The following FHIT variants were observed in gnomAD, a reference collection of about 807,000 sequenced individuals.
FHIT encodes the protein bis(5'-adenosyl)-triphosphatase.
A neutral mutation model predicts 17.9 loss-of-function variants in FHIT; 19 were observed. The observed-to-expected ratio is 1.06, with a 90% confidence interval of 0.74 to 1.56. FHIT has a LOEUF of 1.56. Ranked by LOEUF, FHIT falls within the 40% of genes most tolerant of loss-of-function variation. The probability of loss-of-function intolerance (pLI) is 0.00; values close to 1 mark genes in which losing one functional copy is unlikely to be tolerated. For missense variants in FHIT, 248 were observed against 189.2 expected, an observed-to-expected ratio of 1.31 and a Z score of -1.82; for synonymous variants, 81 against 69.7, an observed-to-expected ratio of 1.16 and a Z score of -0.81.
chr3:60,468,722 A>G (rs1278354244), intron 5 of FHIT, among the ~76,000 whole-genome samples: 1 of 152,130 alleles, frequency 6.6e-6, no homozygotes, highest in Non-Finnish European at 1.5e-5. Context: ...ACATACTACA[A>G]TAGTGTTATG....
chr3:60,082,218 T>A (rs756568177), intron 5 of FHIT, among the ~76,000 whole-genome samples: 20 of 148,264 alleles, frequency 1.3e-4, no homozygotes, highest in Non-Finnish European at 2.8e-4. Flanking sequence ...AGAGAGAACA[T>A]GTAGTATTTG....
At chr3:60,605,508 G>C (rs1338717265) in intron 4 of FHIT, among the ~76,000 whole-genome samples, 1 of 152,150 alleles carries the variant, frequency 6.6e-6, no homozygotes, top group Non-Finnish European at 1.5e-5. Context: ...GTTTAGAAAA[G>C]AACCCTGAAA....
chr3:60,275,312 C>T (rs1707075702), intron 5 of FHIT, among the ~76,000 whole-genome samples: 1 of 152,078 alleles, frequency 6.6e-6, no homozygotes, highest in Non-Finnish European at 1.5e-5. Context: ...TCAAGACCCT[C>T]TCTGTGCCAC....
chr3:59,807,401 A>C (rs2107020574), intron 8 of FHIT, among the ~76,000 whole-genome samples: 1 of 152,342 alleles, frequency 6.6e-6, no homozygotes, highest in East Asian at 1.9e-4. Flanking sequence ...GGGTGTCATC[A>C]GCAAGAATAA....
intron 5 of FHIT, among the ~76,000 whole-genome samples, chr3:60,268,678 T>C (rs1706710852): frequency 6.6e-6 from 1 of 152,220 alleles, no homozygotes; most frequent in African/African-American, 2.4e-5. Context: ...ATAGTATCTG[T>C]GTTCACAGTA....
intron 7 of FHIT, 106 bp from the exon 8 acceptor site, chr3:59,922,520 T>C: frequency 1.1e-6 from 1 of 917,210 alleles, no homozygotes; most frequent in Non-Finnish European, 1.7e-6. Flanking sequence ...TGGTTCCTGC[T>C]GGGTTATTTT....
chr3:59,942,997 G>T (rs1706606427), intron 7 of FHIT, among the ~76,000 whole-genome samples: 1 of 152,078 alleles, frequency 6.6e-6, no homozygotes, highest in South Asian at 2.1e-4. Flanking sequence ...GAGAGATTCT[G>T]ATAGTTCAGC....
chr3:59,972,223 T>G (rs995723372), intron 7 of FHIT, among the ~76,000 whole-genome samples: 4 of 152,026 alleles, frequency 2.6e-5, no homozygotes, highest in African/African-American at 7.2e-5. Context: ...ACTCTAGAGT[T>G]TCAGACTAAC....
intron 4 of FHIT, among the ~76,000 whole-genome samples, chr3:60,720,209 ATCC>A (rs2041778334): frequency 6.6e-6 from 1 of 152,072 alleles, no homozygotes; most frequent in Non-Finnish European, 1.5e-5. Context: ...TTGCAAAACC[ATCC>A]TCCTGGTCAT....
chr3:60,382,398 T>C (rs1253644133), intron 5 of FHIT, among the ~76,000 whole-genome samples: 6 of 152,238 alleles, frequency 3.9e-5, no homozygotes, highest in Non-Finnish European at 7.3e-5. Context: ...ATGAGCGAAG[T>C]GTTTTTCTTC....
At chr3:60,955,609 T>TATATACATATATATATATATAC (rs1709090028) in intron 3 of FHIT, among the ~76,000 whole-genome samples, 5 of 9,166 alleles carry the variant, frequency 5.5e-4, no homozygotes, top group Admixed American at 2.4e-3. Context: ...TATATATATA[T>TATATACATATATATATATATAC]ATATATATAT....
intron 5 of FHIT, among the ~76,000 whole-genome samples, chr3:60,230,599 A>G (rs1704448016): frequency 6.6e-6 from 1 of 152,188 alleles, no homozygotes; most frequent in Admixed American, 6.5e-5. Flanking sequence ...ACTGGTCTTG[A>G]AAAGAAAAGT....
At chr3:60,140,476 T>C (rs564307993) in intron 5 of FHIT, among the ~76,000 whole-genome samples, 5 of 151,984 alleles carry the variant, frequency 3.3e-5, no homozygotes, top group Middle Eastern at 3.4e-3. Flanking sequence ...AGTGGCAAGA[T>C]AGTAACATTG....
At chr3:61,189,496 T>G (rs562665523) in intron 2 of FHIT, among the ~76,000 whole-genome samples, 1 of 152,118 alleles carries the variant, frequency 6.6e-6, no homozygotes. Flanking sequence ...ATGGTGAAAA[T>G]GGCCATACTG....
chr3:61,208,474 C>T, intron 1 of FHIT, among the ~76,000 whole-genome samples: 1 of 152,046 alleles, frequency 6.6e-6, no homozygotes, highest in East Asian at 1.9e-4. Flanking sequence ...TCACTCAGGA[C>T]TTGCTTTATG....
chr3:61,209,862 C>T (rs540706724), intron 1 of FHIT, among the ~76,000 whole-genome samples: 56 of 152,220 alleles, frequency 3.7e-4, no homozygotes, highest in African/African-American at 8.7e-4. Flanking sequence ...TGAGGAGCTG[C>T]GTTCCTTTGG....
chr3:61,114,127 T>G (rs2036234645), intron 2 of FHIT, among the ~76,000 whole-genome samples: 1 of 152,186 alleles, frequency 6.6e-6, no homozygotes, highest in Non-Finnish European at 1.5e-5. Flanking sequence ...CAATCTTTCC[T>G]CAGGGTCCCT....
intron 5 of FHIT, among the ~76,000 whole-genome samples, chr3:60,130,777 TGTGTGTG>T (rs1305899248): frequency 0.04 from 13 of 328 alleles, no homozygotes; most frequent in South Asian, 0.11. Context: ...TGTGTGTGTG[TGTGTGTG>T]GTGTGTATAT....
chr3:60,747,099 T>C (rs2042372570), intron 4 of FHIT, among the ~76,000 whole-genome samples: 1 of 150,858 alleles, frequency 6.6e-6, no homozygotes, highest in African/African-American at 2.4e-5. Flanking sequence ...AAAACTAAGA[T>C]CACAGTTCTG....
Sources: gnomAD v4.1 joint callset for allele counts (sites outside exome capture counted in the v4.1 genomes callset) on GRCh38, gnomAD v4.1.1 for gene constraint, MANE v1.5 for transcripts, NCBI Gene and HGNC (gene_info 2026-07-23, HGNC 2026-07-21) for gene names.